Variants in SHISA9 observed in about 807,000 individuals in gnomAD.
SHISA9 encodes protein shisa-9.
Under a neutral mutation model 38.0 loss-of-function variants are expected in SHISA9, and 13 were observed. The ratio of observed to expected loss-of-function variants is 0.34; its 90% confidence interval spans 0.22 to 0.54. The LOEUF (loss-of-function observed/expected upper bound fraction) is 0.54, where lower values mean the gene tolerates loss of function less well. Ranked by LOEUF, SHISA9 falls within the 20% of genes least tolerant of loss-of-function variation. SHISA9 has a pLI of 0.91. For missense variants in SHISA9, 538 were observed against 575.8 expected (o/e 0.93, Z 0.67); for synonymous variants, 275 against 242.0 (o/e 1.14, Z -1.27).
the SHISA9 span, among the ~76,000 whole-genome samples, chr16:13,270,144 G>C: frequency 6.6e-6 from 1 of 152,138 alleles, no homozygotes; most frequent in Non-Finnish European, 1.5e-5. Flanking sequence ...GAATCCAACT[G>C]TTTACTTGGT....
chr16:13,413,842 C>T, the SHISA9 span, among the ~76,000 whole-genome samples: 4 of 149,592 alleles, frequency 2.7e-5, no homozygotes, highest in Admixed American at 2.7e-4. Context: ...AACTGGTTTA[C>T]CAGATATGTG....
chr16:13,280,724 C>G, the SHISA9 span, among the ~76,000 whole-genome samples: 1 of 151,440 alleles, frequency 6.6e-6, no homozygotes, highest in Admixed American at 6.6e-5. Flanking sequence ...GAGGTTGTAC[C>G]CTTTCCTTGT....
chr16:13,343,749 C>A, the SHISA9 span, among the ~76,000 whole-genome samples: 1 of 152,002 alleles, frequency 6.6e-6, no homozygotes, highest in South Asian at 2.1e-4. Context: ...TAAGAAGCAT[C>A]CTGACAGAAA....
chr16:13,484,015 G>A, the SHISA9 span, among the ~76,000 whole-genome samples: 1 of 152,180 alleles, frequency 6.6e-6, no homozygotes, highest in Non-Finnish European at 1.5e-5. Flanking sequence ...AGAGGCCTGG[G>A]CTCACGACTG....
At chr16:13,210,187 A>G (rs549252174) in intron 3 of SHISA9, among the ~76,000 whole-genome samples, 1 of 152,202 alleles carries the variant, frequency 6.6e-6, no homozygotes, top group Non-Finnish European at 1.5e-5. Context: ...TCACCCTTTC[A>G]CCCTTTTATG....
At chr16:13,537,691 C>T in the SHISA9 span, among the ~76,000 whole-genome samples, 1 of 152,024 alleles carries the variant, frequency 6.6e-6, no homozygotes, top group Non-Finnish European at 1.5e-5. Flanking sequence ...TTATGGTACA[C>T]GTTTGTCAAA....
At chr16:12,905,977 A>G (rs776347469) in intron 1 of SHISA9, among the ~76,000 whole-genome samples, 11 of 152,200 alleles carry the variant, frequency 7.2e-5, no homozygotes, top group Non-Finnish European at 1.2e-4. Flanking sequence ...GTACCTGCCA[A>G]ATGCATCCTG....
At chr16:13,285,190 CT>C in the SHISA9 span, among the ~76,000 whole-genome samples, 2 of 152,094 alleles carry the variant, frequency 1.3e-5, no homozygotes, top group East Asian at 1.9e-4. Flanking sequence ...GCAGCCTGCT[CT>C]TTCTTATTGA....
At chr16:13,323,731 C>G in the SHISA9 span, among the ~76,000 whole-genome samples, 2 of 152,136 alleles carry the variant, frequency 1.3e-5, no homozygotes, top group Admixed American at 1.3e-4. Context: ...GGAAGAGCCC[C>G]TTATAAAACC....
At chr16:13,260,007 C>CTTTCTTTTT in the SHISA9 span, among the ~76,000 whole-genome samples, 7 of 60,418 alleles carry the variant, frequency 1.2e-4, no homozygotes, top group Non-Finnish European at 1.5e-4. Context: ...TTCTTTCTTT[C>CTTTCTTTTT]TTTTTTTTTT....
chr16:13,471,968 T>C, the SHISA9 span, among the ~76,000 whole-genome samples: 4 of 152,148 alleles, frequency 2.6e-5, no homozygotes, highest in Admixed American at 1.3e-4. Flanking sequence ...AAAGGGTCAG[T>C]GAGTGACCCA....
chr16:13,506,753 G>T, the SHISA9 span, among the ~76,000 whole-genome samples: 10,757 of 152,164 alleles, frequency 0.071, 490 homozygotes, highest in East Asian at 0.15. Context: ...TAAAGATCTG[G>T]CTTGAGACAC....
intron 2 of SHISA9, among the ~76,000 whole-genome samples, chr16:13,091,087 G>C (rs188727928): frequency 6.0e-4 from 91 of 152,238 alleles, no homozygotes; most frequent in Admixed American, 1.2e-3. Flanking sequence ...TAAAATTCTG[G>C]GTTGAAAATT....
the SHISA9 span, among the ~76,000 whole-genome samples, chr16:13,363,927 C>T: frequency 6.6e-6 from 1 of 152,168 alleles, no homozygotes; most frequent in Non-Finnish European, 1.5e-5. Flanking sequence ...TTGTCAGGCC[C>T]TCCCAGACCT....
At chr16:13,198,892 G>A (rs2050976304) in intron 2 of SHISA9, among the ~76,000 whole-genome samples, 1 of 152,310 alleles carries the variant, frequency 6.6e-6, no homozygotes, top group South Asian at 2.1e-4. Context: ...GAGAGGGATC[G>A]CTTTGGTGGG....
At chr16:13,288,369 T>C in the SHISA9 span, among the ~76,000 whole-genome samples, 2 of 151,980 alleles carry the variant, frequency 1.3e-5, no homozygotes, top group African/African-American at 2.4e-5. Flanking sequence ...TCTTCCTGGC[T>C]CACAGAGGAC....
chr16:13,057,897 C>A (rs2073328808), intron 2 of SHISA9, among the ~76,000 whole-genome samples: 1 of 152,118 alleles, frequency 6.6e-6, no homozygotes, highest in Non-Finnish European at 1.5e-5. Context: ...TGAGAACATC[C>A]AGTGTTTAGT....
At chr16:13,450,772 TTTGTTGTTG>T in the SHISA9 span, among the ~76,000 whole-genome samples, 13 of 151,946 alleles carry the variant, frequency 8.6e-5, no homozygotes, top group Non-Finnish European at 1.8e-4. Flanking sequence ...GTGTTGTTGT[TTTGTTGTTG>T]TTGTTGTTGT....
the SHISA9 span, among the ~76,000 whole-genome samples, chr16:13,440,381 T>C: frequency 6.6e-6 from 1 of 152,190 alleles, no homozygotes; most frequent in African/African-American, 2.4e-5. Context: ...TTCCATCTAT[T>C]TGGTTTGCTG....
Sources: gnomAD v4.1 joint callset for allele counts (sites outside exome capture counted in the v4.1 genomes callset) on GRCh38, gnomAD v4.1.1 for gene constraint, MANE v1.5 for transcripts, NCBI Gene and HGNC (gene_info 2026-07-23, HGNC 2026-07-21) for gene names.